MRPS25: variants seen among roughly 807,000 people sequenced by gnomAD.
MRPS25 encodes mitochondrial ribosomal protein S25.
MRPS25 carries 15 observed loss-of-function variants against 17.3 expected under a neutral mutation model. That is an observed-to-expected ratio of 0.87 (90% confidence interval 0.58 to 1.34). The LOEUF (loss-of-function observed/expected upper bound fraction) is 1.34. Among genes scored for constraint, MRPS25 ranks in the 40% most tolerant of loss-of-function variants. The pLI is 0.00. For synonymous variants in MRPS25, 94 were observed against 83.3 expected (o/e 1.13, Z -0.70); for missense variants, 225 against 218.6 (o/e 1.03, Z -0.19).
chr3:15,042,954 C>T (rs749376188), downstream of MRPS25: 7 of 1,614,096 alleles, frequency 4.3e-6, no homozygotes, highest in African/African-American at 5.3e-5. Flanking sequence ...TCCCCTACAT[C>T]CTCAAGATGG....
chr3:15,062,594 C>T (rs1316663612), intron 1 of MRPS25, among the ~76,000 whole-genome samples: 1 of 152,036 alleles, frequency 6.6e-6, no homozygotes, highest in Non-Finnish European at 1.5e-5. Context: ...GAGAACGGGC[C>T]ATGATGACAA....
chr3:15,060,707 G>C (rs1344931801), intron 1 of MRPS25, among the ~76,000 whole-genome samples: 1 of 151,834 alleles, frequency 6.6e-6, no homozygotes, highest in Non-Finnish European at 1.5e-5. Flanking sequence ...ACGGTGAAAT[G>C]CCGTCTCTAC....
chr3:15,043,394 A>C (rs1371780992), downstream of MRPS25: 1 of 154,478 alleles, frequency 6.5e-6, no homozygotes, highest in Non-Finnish European at 1.4e-5. Context: ...TTGGAATTAT[A>C]GATACTAATT....
intron 1 of MRPS25, among the ~76,000 whole-genome samples, chr3:15,064,232 G>A (rs1260302322): frequency 6.6e-6 from 1 of 152,152 alleles, no homozygotes; most frequent in Non-Finnish European, 1.5e-5. Context: ...AGCACTCAGA[G>A]TGTACTCAAT....
At chr3:15,059,019 A>AT (rs55962904) in intron 2 of MRPS25, among the ~76,000 whole-genome samples, 7,041 of 139,918 alleles carry the variant, frequency 0.05, 259 homozygotes, top group African/African-American at 0.11. Flanking sequence ...GCCCTGAAGA[A>AT]TTTTTTTTTT....
chr3:15,049,284 G>C lies in MRPS25; in HGVS notation c.*3157C>G, dbSNP rs1575064094. On this transcript the variant is annotated 3_prime_UTR_variant, in exon 4 of 4. Coordinates refer to ENST00000253686, the MANE Select transcript of MRPS25 (RefSeq NM_022497.5). ...TGAATTAAAGACTAACATGCATCCT[G>C]CTCTTCATTTTTCTTCATGATAGTA... 1 of 152,760 alleles carries C rather than the reference G, an allele frequency of 6.5e-6. No individual in the cohort carries two copies. Among genetic ancestry groups the C allele is most frequent in the Non-Finnish European group, 1.5e-5 (1 of 68,162 alleles). 9.5% of individuals were successfully genotyped at this position (152,760 alleles called of 1,614,324 possible).
At chr3:15,060,226 C>G (rs2042732392) in intron 1 of MRPS25, among the ~76,000 whole-genome samples, 1 of 152,188 alleles carries the variant, frequency 6.6e-6, no homozygotes, top group South Asian at 2.1e-4. Flanking sequence ...CAACAAGTAG[C>G]TCTCAGCTGG....
chr3:15,055,320 A>C (rs1015710890), intron 2 of MRPS25, among the ~76,000 whole-genome samples: 1 of 152,236 alleles, frequency 6.6e-6, no homozygotes, highest in Non-Finnish European at 1.5e-5. Context: ...CACATCAATG[A>C]ATAAACATTT....
rs36115372 is a variant in MRPS25, at chr3:15,059,986, C to CA, written c.135-512dup. Among the ~76,000 whole-genome samples the CA allele has an allele frequency of 5.1e-3, 596 of 116,382 alleles. 4 individuals carry two copies. The highest frequency in any genetic ancestry group is 0.043 in the East Asian group (162 of 3,808). 76.4% of individuals were successfully genotyped at this position (116,382 alleles called of 152,430 possible). On this transcript the variant is annotated intron_variant, in intron 1 of 3. Coordinates refer to ENST00000253686, the MANE Select transcript of MRPS25 (RefSeq NM_022497.5). ...CTCCAGAGGAAAAAAAAAGGCCTTG[C>CA]AAAAAAAAAAAAAATGCATAATCAT...
downstream of MRPS25, chr3:15,046,025 G>A (rs1217062567): frequency 6.6e-6 from 1 of 152,242 alleles, no homozygotes; most frequent in Non-Finnish European, 1.5e-5. Context: ...GACAGGAAGA[G>A]ATTTTTTGAA....
At chr3:15,046,790 G>A (rs1470670268), downstream of MRPS25, 1 of 152,680 alleles carries the variant, frequency 6.5e-6, no homozygotes, top group Non-Finnish European at 1.5e-5. Flanking sequence ...GGGAATGCCT[G>A]AGCCAGCAGA....
At chr3:15,053,979 G>T (rs574405521) in intron 2 of MRPS25, among the ~76,000 whole-genome samples, 1 of 152,134 alleles carries the variant, frequency 6.6e-6, no homozygotes, top group Non-Finnish European at 1.5e-5. Flanking sequence ...GAATATGGCC[G>T]GGCGCGGTGG....
intron 1 of MRPS25, among the ~76,000 whole-genome samples, chr3:15,062,577 G>A (rs1301345152): frequency 6.6e-6 from 1 of 152,050 alleles, no homozygotes. Context: ...GTGCCCAACA[G>A]CTCATTGAGA....
rs146790871 is a variant in MRPS25, at chr3:15,050,859, A to C, written c.*1582T>G. ...AAATGTAAAAGATCCAAATCTGCTCAATTTAATGTGATAATCTCCAACAGT... is the reference window on the plus strand; with the variant it reads ...AAATGTAAAAGATCCAAATCTGCTCCATTTAATGTGATAATCTCCAACAGT... On this transcript the variant is annotated 3_prime_UTR_variant, in exon 4 of 4. Coordinates refer to ENST00000253686, the MANE Select transcript of MRPS25 (RefSeq NM_022497.5). 1.3e-5 allele frequency: 13 copies of C among 985,438 alleles called. No individual in the cohort carries two copies. The African/African-American group carries it at 2.3e-4, about 17-fold the overall frequency. The allele number at this position is 985,438 out of a possible 1,614,324, so 61.0% of individuals were successfully genotyped here. A position where few individuals can be genotyped will look rare whatever the true frequency, so the allele number is the denominator to read the frequency against.
rs574204994 is a variant in MRPS25 at position 15,050,550 on chromosome 3, C to T, written c.*1891G>A. 11 of 985,522 alleles carry T rather than the reference C, an allele frequency of 1.1e-5. No individual in the cohort carries two copies. The highest frequency in any genetic ancestry group is 4.7e-5 in the South Asian group (1 of 21,284). The allele number at this position is 985,522 out of a possible 1,614,324, so 61.0% of individuals were successfully genotyped here. A position where few individuals can be genotyped will look rare whatever the true frequency, so the allele number is the denominator to read the frequency against. ...GAAGAGCCCTTGCAGCCAAGTAGAA[C>T]GCCCAGGCAGGTGGTATCAAGGTCA... On this transcript the variant is annotated 3_prime_UTR_variant, in exon 4 of 4. Coordinates refer to ENST00000253686, the MANE Select transcript of MRPS25 (RefSeq NM_022497.5).
At chr3:15,055,044 C>G (rs1242434760) in intron 2 of MRPS25, among the ~76,000 whole-genome samples, 1 of 152,012 alleles carries the variant, frequency 6.6e-6, no homozygotes, top group Non-Finnish European at 1.5e-5. Context: ...TGGCAGAAGG[C>G]AAAGGGGGAG....
At chr3:15,043,302 A>G (rs1470896486), downstream of MRPS25, 1 of 216,032 alleles carries the variant, frequency 4.6e-6, no homozygotes, top group Non-Finnish European at 9.1e-6. Flanking sequence ...AAAAGGTTTT[A>G]TAATGTCAGA....
intron 1 of MRPS25, among the ~76,000 whole-genome samples, chr3:15,063,595 A>G (rs1026833650): frequency 1.1e-4 from 17 of 152,198 alleles, no homozygotes; most frequent in Non-Finnish European, 2.4e-4. Flanking sequence ...AGAAACAGTG[A>G]ATGGCTGTTT....
At chr3:15,064,134 T>A (rs1179810955) in intron 1 of MRPS25, among the ~76,000 whole-genome samples, 1 of 152,124 alleles carries the variant, frequency 6.6e-6, no homozygotes, top group Non-Finnish European at 1.5e-5. Context: ...CTCATTTTGA[T>A]CCAACATACA....
Sources: gnomAD v4.1 joint callset for allele counts (sites outside exome capture counted in the v4.1 genomes callset) on GRCh38, gnomAD v4.1.1 for gene constraint, MANE v1.5 for transcripts, NCBI Gene and HGNC (gene_info 2026-07-23, HGNC 2026-07-21) for gene names.